The following STOX2 variants were observed in gnomAD, a reference collection of about 807,000 sequenced individuals.
The protein encoded by STOX2 is storkhead-box protein 2.
In STOX2, 28 loss-of-function variants were observed where a neutral mutation model predicts 60.9. The ratio of observed to expected loss-of-function variants is 0.46; its 90% confidence interval spans 0.34 to 0.63. STOX2 has a LOEUF of 0.63. Among genes scored for constraint, STOX2 ranks in the 30% least tolerant of loss-of-function variants. STOX2 has a pLI of 0.01. For missense variants in STOX2, 1,024 were observed against 1,187.7 expected (o/e 0.86, Z 2.03); for synonymous variants, 472 against 463.9 (o/e 1.02, Z -0.22).
At position 183,906,658 on chromosome 4, in the gene STOX2, C is replaced by A. The variant is rs1207290127; in HGVS notation, c.-133C>A. 4.9e-6 allele frequency: 5 copies of A among 1,026,512 alleles called. No homozygotes were observed. The highest frequency in any genetic ancestry group is 3.3e-5 in the African/African-American group (2 of 60,154). The allele number at this position is 1,026,512 out of a possible 1,614,324, so 63.6% of individuals were successfully genotyped here. On this transcript the variant is annotated 5_prime_UTR_variant, in exon 1 of 4. Coordinates refer to ENST00000308497, the MANE Select transcript of STOX2 (RefSeq NM_020225.3). ...CCGGACCCGCCGCTGGCGGTGTAGACGCCGACGAGGAGGGGCTGGGAAAAT... is the reference window on the plus strand; with the variant it reads ...CCGGACCCGCCGCTGGCGGTGTAGAAGCCGACGAGGAGGGGCTGGGAAAAT...
intron 1 of STOX2, among the ~76,000 whole-genome samples, chr4:183,878,836 G>C (rs978310842): frequency 2.6e-5 from 4 of 152,150 alleles, no homozygotes; most frequent in African/African-American, 9.7e-5. Context: ...GGCCCGTAAG[G>C]GGTGAGCTGA....
intron 1 of STOX2, among the ~76,000 whole-genome samples, chr4:183,835,227 A>ATT (rs766369744): frequency 0.04 from 5,664 of 142,272 alleles, 383 homozygotes; most frequent in African/African-American, 0.14. Context: ...CAACCAATAG[A>ATT]TTTTTTTTTT....
Position 184,009,077 on chromosome 4 carries a change from G to A in STOX2, c.320-81G>A, listed in dbSNP as rs1426075152. On this transcript the variant is annotated intron_variant, in intron 2 of 3. Coordinates refer to ENST00000308497, the MANE Select transcript of STOX2 (RefSeq NM_020225.3). This position sits in a 1 kb window ranked among gnomAD's most constrained non-coding sequence, Gnocchi z 4.0. ...CTGTGATGGTACTTCGCATCTTGGC[G>A]AATGAATAGGATCCTGGAAATCAGG... The A allele has an allele frequency of 3.1e-5, 35 of 1,126,114 alleles. No homozygotes were observed. In the South Asian group the frequency reaches 3.8e-4, roughly 12 times the overall value. The allele number at this position is 1,126,114 out of a possible 1,614,324, so 69.8% of individuals were successfully genotyped here. A position where few individuals can be genotyped will look rare whatever the true frequency, so the allele number is the denominator to read the frequency against.
At chr4:183,860,826 C>T (rs1005489486) in intron 1 of STOX2, among the ~76,000 whole-genome samples, 2 of 152,174 alleles carry the variant, frequency 1.3e-5, no homozygotes, top group Non-Finnish European at 2.9e-5. Context: ...CTCTCAGACA[C>T]ACGGAAGGAA....
chr4:183,808,422 G>A (rs1738957907), intron 1 of STOX2, among the ~76,000 whole-genome samples: 1 of 152,142 alleles, frequency 6.6e-6, no homozygotes, highest in African/African-American at 2.4e-5. Context: ...CCGCAGAGAC[G>A]GGAAGCATCC....
At chr4:183,879,509 A>C (rs1344402696) in intron 1 of STOX2, among the ~76,000 whole-genome samples, 1 of 152,180 alleles carries the variant, frequency 6.6e-6, no homozygotes, top group African/African-American at 2.4e-5. Flanking sequence ...TTCTCTTCTC[A>C]TGGGCCCTAA....
At chr4:183,872,870 G>A (rs1740726661) in intron 1 of STOX2, among the ~76,000 whole-genome samples, 1 of 152,042 alleles carries the variant, frequency 6.6e-6, no homozygotes, top group Admixed American at 6.5e-5. Flanking sequence ...TATGAGATTA[G>A]TCCGTCATCT....
At chr4:183,989,896 A>G (rs1417523894) in intron 1 of STOX2, among the ~76,000 whole-genome samples, 2 of 152,188 alleles carry the variant, frequency 1.3e-5, no homozygotes, top group African/African-American at 4.8e-5. Context: ...CAGCACTGTT[A>G]CAGATATTTC....
At chr4:183,980,424 G>C (rs1421154563) in intron 1 of STOX2, among the ~76,000 whole-genome samples, 1 of 152,194 alleles carries the variant, frequency 6.6e-6, no homozygotes, top group African/African-American at 2.4e-5. Context: ...TGTCATTCTT[G>C]TCAGTAGGGA....
chr4:183,943,035 A>C (rs1016580967), intron 1 of STOX2, among the ~76,000 whole-genome samples: 1 of 152,368 alleles, frequency 6.6e-6, no homozygotes, highest in South Asian at 2.1e-4. Flanking sequence ...GTCAGCTTTC[A>C]GAATGGCAAT....
At chr4:183,893,081 G>A (rs919711109) in intron 1 of STOX2, among the ~76,000 whole-genome samples, 2 of 151,084 alleles carry the variant, frequency 1.3e-5, no homozygotes, top group African/African-American at 4.9e-5. Context: ...AACAAAATGT[G>A]TCCCACCGTA....
intron 1 of STOX2, among the ~76,000 whole-genome samples, chr4:183,813,651 T>G (rs1474857587): frequency 6.6e-6 from 1 of 152,198 alleles, no homozygotes; most frequent in African/African-American, 2.4e-5. Context: ...AGATTGTAAT[T>G]CCTTTGAGGG....
Position 183,856,530 on chromosome 4 carries a change from A to G in STOX2, c.364+58475A>G, listed in dbSNP as rs1740289280. 6.6e-6 allele frequency among the ~76,000 whole-genome samples: 1 copy of G among 152,216 alleles called. No homozygotes were observed. The highest frequency in any genetic ancestry group is 1.5e-5 in the Non-Finnish European group (1 of 68,036). ...GCAGTCTCCATCCAAACTGAAGGGCAGTTCAGGGATCTGCCTTCCAAAGCC... is the reference window on the plus strand; with the variant it reads ...GCAGTCTCCATCCAAACTGAAGGGCGGTTCAGGGATCTGCCTTCCAAAGCC... On this transcript the variant is annotated intron_variant, in intron 1 of 2. Coordinates refer to the STOX2 transcript ENST00000513034. This position sits in a 1 kb window ranked among gnomAD's most constrained non-coding sequence, Gnocchi z 4.0.
At chr4:183,819,390 C>T (rs577150017) in intron 1 of STOX2, among the ~76,000 whole-genome samples, 2 of 151,924 alleles carry the variant, frequency 1.3e-5, no homozygotes, top group South Asian at 2.1e-4. Context: ...CAAAAAAATA[C>T]GAAAACCAGT....
intron 1 of STOX2, among the ~76,000 whole-genome samples, chr4:183,804,266 G>T (rs1738833694): frequency 6.6e-6 from 1 of 152,224 alleles, no homozygotes; most frequent in African/African-American, 2.4e-5. Context: ...GCCGGGATGT[G>T]AACCCAGGCC....
chr4:183,817,238 G>A (rs1444698651), intron 1 of STOX2, among the ~76,000 whole-genome samples: 1 of 152,210 alleles, frequency 6.6e-6, no homozygotes, highest in Non-Finnish European at 1.5e-5. Context: ...TAAAAGAATG[G>A]CTTTCAAAAC....
chr4:183,912,721 T>A (rs1022354504), intron 1 of STOX2, among the ~76,000 whole-genome samples: 16 of 152,200 alleles, frequency 1.1e-4, no homozygotes, highest in African/African-American at 3.9e-4. Flanking sequence ...TCACTGATAG[T>A]ACCTGCCTTA....
At chr4:183,958,515 C>G (rs1743322822) in intron 1 of STOX2, among the ~76,000 whole-genome samples, 1 of 152,148 alleles carries the variant, frequency 6.6e-6, no homozygotes, top group Admixed American at 6.5e-5. Flanking sequence ...CATCCATCTG[C>G]TTTTCCAACT....
intron 1 of STOX2, among the ~76,000 whole-genome samples, chr4:183,963,049 T>C (rs1743456342): frequency 6.6e-6 from 1 of 152,178 alleles, no homozygotes; most frequent in African/African-American, 2.4e-5. Flanking sequence ...AAATCTTAAT[T>C]CTTCTACACT....
Sources: allele counts gnomAD v4.1 joint callset (sites outside exome capture counted in the v4.1 genomes callset), GRCh38; gene constraint gnomAD v4.1.1; non-coding constraint Gnocchi (gnomAD v3.1); transcripts MANE v1.5; gene names NCBI Gene and HGNC (gene_info 2026-07-23, HGNC 2026-07-21).